CAPZA2: variants seen among roughly 807,000 people sequenced by gnomAD.
CAPZA2 encodes the protein F-actin-capping protein subunit alpha-2.
Under a neutral mutation model 44.0 loss-of-function variants are expected in CAPZA2, and 13 were observed. The observed-to-expected ratio is 0.30, with a 90% CI of 0.19 to 0.47. The LOEUF (loss-of-function observed/expected upper bound fraction) is 0.47, where lower values mean the gene tolerates loss of function less well. CAPZA2 is among the 20% of genes least tolerant of loss of function. The probability of loss-of-function intolerance (pLI) is 1.00; values close to 1 mark genes in which losing one functional copy is unlikely to be tolerated. For synonymous variants in CAPZA2, 94 were observed against 108.2 expected, an observed-to-expected ratio of 0.87 and a Z score of 0.81; for missense variants, 244 against 338.6, an observed-to-expected ratio of 0.72 and a Z score of 2.19.
At chr7:116,894,918 G>T (rs1796905604) in intron 3 of CAPZA2, among the ~76,000 whole-genome samples, 1 of 152,032 alleles carries the variant, frequency 6.6e-6, no homozygotes. Context: ...CACTTGAGTT[G>T]CTCCCACCCA....
At chr7:116,915,504 T>A (rs1791668457) in intron 8 of CAPZA2, 1 of 152,350 alleles carries the variant, frequency 6.6e-6, no homozygotes, top group South Asian at 2.1e-4. Flanking sequence ...TATAAGGTGT[T>A]AGAGACTTTT....
intron 3 of CAPZA2, among the ~76,000 whole-genome samples, chr7:116,898,118 C>G (rs763935691): frequency 1.3e-5 from 2 of 152,066 alleles, no homozygotes; most frequent in Non-Finnish European, 2.9e-5. Flanking sequence ...TTTGCTCATA[C>G]GGTCACTCTG....
At chr7:116,906,700 A>T (rs1380876270) in intron 6 of CAPZA2, 1 of 174,358 alleles carries the variant, frequency 5.7e-6, no homozygotes, top group African/African-American at 2.4e-5. Context: ...AGAACAAAAA[A>T]TGATACTACT....
intron 1 of CAPZA2, among the ~76,000 whole-genome samples, chr7:116,882,222 C>T (rs1276192057): frequency 1.3e-5 from 2 of 152,160 alleles, no homozygotes; most frequent in African/African-American, 4.8e-5. Flanking sequence ...TATTATTCTG[C>T]CCACCAACTT....
At chr7:116,878,344 C>T (rs1425644409) in intron 1 of CAPZA2, among the ~76,000 whole-genome samples, 1 of 152,156 alleles carries the variant, frequency 6.6e-6, no homozygotes, top group Non-Finnish European at 1.5e-5. Context: ...AGGACTTCAT[C>T]CAGAGACTTC....
intron 1 of CAPZA2, among the ~76,000 whole-genome samples, chr7:116,869,354 T>C (rs773396285): frequency 6.6e-5 from 10 of 152,378 alleles, no homozygotes; most frequent in Non-Finnish European, 1.5e-4. Context: ...TATTTACATG[T>C]TTCACTATGC....
chr7:116,885,289 G>A (rs1418434045), intron 1 of CAPZA2, among the ~76,000 whole-genome samples: 2 of 150,576 alleles, frequency 1.3e-5, no homozygotes, highest in Non-Finnish European at 3.0e-5. Flanking sequence ...ATGGATCATG[G>A]TTTTGGTATC....
intron 1 of CAPZA2, among the ~76,000 whole-genome samples, chr7:116,864,644 G>A (rs1233963968): frequency 6.6e-6 from 1 of 152,092 alleles, no homozygotes. Flanking sequence ...TTTTCATTTT[G>A]GGGGAGGAGG....
Position 116,910,263 on chromosome 7 carries a change from T to C in CAPZA2, c.537T>C (p.Phe179=), listed in dbSNP as rs752946576. The C allele has an allele frequency of 1.7e-5, 28 of 1,603,070 alleles. No individual in the cohort carries two copies. The highest frequency in any genetic ancestry group is 2.2e-5 in the East Asian group (1 of 44,796). ...GTCGTTGGAGGTCAGAATGGAAGTT[T>C]ACAATCACTCCTTCAACCACTCAAG... ...WNGRWRSEWK[F]TITPSTTQVV... The change falls in exon 7 of 10, where the codon TTT becomes TTC. Residue 179 remains phenylalanine (F), a synonymous_variant. Transcript: ENST00000361183.
At chr7:116,875,665 G>A (rs546755772) in intron 1 of CAPZA2, 1 of 151,736 alleles carries the variant, frequency 6.6e-6, no homozygotes, top group East Asian at 1.9e-4. Flanking sequence ...TCCCATCTCA[G>A]CCTCCCAAGT....
At position 116,893,648 on chromosome 7, in the gene CAPZA2, A is replaced by C. The variant is rs182968347; in HGVS notation, c.155+603A>C. ...TTTGGCATTTGCAAAGTTGGAAGAAATTGTGGTTGCTACCATTTTTATGTA... is the reference window on the plus strand; with the variant it reads ...TTTGGCATTTGCAAAGTTGGAAGAACTTGTGGTTGCTACCATTTTTATGTA... On this transcript the variant is annotated intron_variant, in intron 3 of 9. Transcript: ENST00000361183. Among the ~76,000 whole-genome samples, 39 of 152,282 alleles carry C rather than the reference A, an allele frequency of 2.6e-4. 1 individual carries two copies. The highest frequency in any genetic ancestry group is 8.5e-4 in the Admixed American group (13 of 15,294).
intron 1 of CAPZA2, among the ~76,000 whole-genome samples, chr7:116,879,115 ACT>A: frequency 8.0e-6 from 1 of 124,358 alleles, no homozygotes; most frequent in East Asian, 2.5e-4. Flanking sequence ...ACAGAGCATA[ACT>A]CTGTCTCAAA....
chr7:116,913,342 G>T (rs762768497), intron 8 of CAPZA2, among the ~76,000 whole-genome samples: 2 of 149,946 alleles, frequency 1.3e-5, no homozygotes, highest in Non-Finnish European at 3.0e-5. Context: ...ACCCAAGGTC[G>T]TGGAGATCTA....
intron 1 of CAPZA2, among the ~76,000 whole-genome samples, chr7:116,878,355 A>G (rs778639587): frequency 6.6e-6 from 1 of 152,244 alleles, no homozygotes; most frequent in African/African-American, 2.4e-5. Flanking sequence ...CAGAGACTTC[A>G]TTCAGATCTT....
intron 1 of CAPZA2, among the ~76,000 whole-genome samples, chr7:116,882,901 TTTA>T (rs879923484): frequency 5.3e-4 from 80 of 152,306 alleles, no homozygotes; most frequent in African/African-American, 1.8e-3. Context: ...TGCCAGGGAC[TTTA>T]TCATGGAGGG....
chr7:116,912,364 CTT>C (rs143694421), intron 8 of CAPZA2, among the ~76,000 whole-genome samples: 8 of 148,418 alleles, frequency 5.4e-5, no homozygotes, highest in African/African-American at 2.0e-4. Context: ...AAATTTTTCT[CTT>C]TTTTTTTTGT....
intron 1 of CAPZA2, among the ~76,000 whole-genome samples, chr7:116,878,583 G>A (rs1377828472): frequency 1.3e-5 from 2 of 152,140 alleles, no homozygotes; most frequent in African/African-American, 4.8e-5. Context: ...CTTATGTAAA[G>A]CCCCACATCT....
chr7:116,887,238 A>T (rs1276744616), intron 1 of CAPZA2, among the ~76,000 whole-genome samples: 4 of 152,180 alleles, frequency 2.6e-5, no homozygotes, highest in African/African-American at 9.7e-5. Context: ...CCTTATAAGA[A>T]ATTGTTGGCC....
At chr7:116,889,413 A>AT (rs1022874356) in intron 2 of CAPZA2, among the ~76,000 whole-genome samples, 10 of 151,036 alleles carry the variant, frequency 6.6e-5, no homozygotes, top group East Asian at 1.9e-4. Flanking sequence ...AAGTTTAATC[A>AT]TTTTTTTTTC....
Sources: allele counts gnomAD v4.1 joint callset (sites outside exome capture counted in the v4.1 genomes callset), GRCh38; gene constraint gnomAD v4.1.1; transcripts MANE v1.5; gene names NCBI Gene and HGNC (gene_info 2026-07-23, HGNC 2026-07-21).